The following TNFRSF1A variants were observed in gnomAD, a reference collection of about 807,000 sequenced individuals.
TNFRSF1A encodes the protein TNF receptor superfamily member 1A.
In TNFRSF1A, 9 loss-of-function variants were observed where a neutral mutation model predicts 41.6. The observed-to-expected ratio is 0.22, with a 90% CI of 0.13 to 0.38. The LOEUF is 0.38. Ranked by LOEUF, TNFRSF1A falls within the 10% of genes least tolerant of loss-of-function variation. The probability of loss-of-function intolerance (pLI) is 1.00; values close to 1 mark genes in which losing one functional copy is unlikely to be tolerated. For synonymous variants in TNFRSF1A, 254 were observed against 248.6 expected, an observed-to-expected ratio of 1.02 and a Z score of -0.21; for missense variants, 463 against 591.5, an observed-to-expected ratio of 0.78 and a Z score of 2.25.
In TNFRSF1A at chr12:6,333,379, C is replaced by T. The variant is rs201083197; in HGVS notation, c.460G>A (p.Val154Met). Residue 154 changes from valine to methionine, a missense_variant, in exon 4 of 10, where the codon GTG becomes ATG. Val to Met is a conservative substitution (Grantham distance 21, BLOSUM62 1). Coordinates refer to ENST00000162749, the MANE Select transcript of TNFRSF1A (RefSeq NM_001065.4). The surrounding 1 kb of genome is among the most constrained non-coding windows in gnomAD (Gnocchi z 6.3). ...FNCSLCLNGTVHLSCQEKQNT... is the reference protein window; with the variant it reads ...FNCSLCLNGTMHLSCQEKQNT... The stretch of plus-strand genomic sequence containing the variant: ...GAGCTGCGCTCACAGGAGAGGTGCA[C>T]GGTCCCATTGAGGCAGAGGCTGCAA... 4.7e-5 allele frequency: 76 copies of T among 1,613,640 alleles called. No homozygotes were observed. In the African/African-American group the frequency reaches 6.8e-4, roughly 14 times the overall value.
rs749746986 is a variant in TNFRSF1A, at chr12:6,329,965, A to C, written c.870T>G (p.Ser290Arg). 1 of 1,581,804 alleles carries C rather than the reference A, an allele frequency of 6.3e-7. No homozygotes were observed. The highest frequency in any genetic ancestry group is 8.6e-7 in the Non-Finnish European group (1 of 1,162,164). The change falls in exon 9 of 10, where the codon AGT (serine) becomes AGG (arginine). Residue 290 changes from serine (S) to arginine (R), a missense_variant. Ser to Arg is a moderately radical substitution (Grantham distance 110). This residue lies in a region of TNFRSF1A where 277 missense variants were observed against 288.8 expected (regional missense o/e 0.96). Coordinates refer to ENST00000162749, the MANE Select transcript of TNFRSF1A (RefSeq NM_001065.4). ...AGGTGGAGCTGGAGGTGAAGGTGGA[A>C]CTGGGCACGGGACTGAAGCCCAGGG... ...TPTLGFSPVP[S>R]STFTSSSTYT... is the part of the protein sequence containing the mutation.
intron 1 of TNFRSF1A, among the ~76,000 whole-genome samples, chr12:6,335,416 A>T (rs1217302087): frequency 2.0e-5 from 3 of 152,082 alleles, no homozygotes; most frequent in Non-Finnish European, 2.9e-5. Context: ...CGTGCTGGGG[A>T]GTCCTGGAGC....
intron 6 of TNFRSF1A, 39 bp from the exon 7 acceptor site, chr12:6,330,750 AG>A (rs1162009582): frequency 6.4e-7 from 1 of 1,572,562 alleles, no homozygotes; most frequent in Non-Finnish European, 8.8e-7. Context: ...GAGCGGGCAG[AG>A]GGGGGCCGCA....
At position 6,341,438 on chromosome 12, in the gene TNFRSF1A, C is replaced by T. The variant is rs775704034; in HGVS notation, c.39+338G>A. ...CTAATCTTCCTACTCCCACTCCCTT[C>T]TTTTCCCCGCCAAATCTGCCCCACC... is the stretch of plus-strand genomic sequence containing the variant. On this transcript the variant is annotated intron_variant, in intron 1 of 9. Coordinates refer to ENST00000162749, the MANE Select transcript of TNFRSF1A (RefSeq NM_001065.4). The surrounding 1 kb of genome is among the most constrained non-coding windows in gnomAD (Gnocchi z 4.6). Among the ~76,000 whole-genome samples, 4 of 152,254 alleles carry T rather than the reference C, an allele frequency of 2.6e-5. No homozygotes were observed. Among genetic ancestry groups the T allele is most frequent in the Non-Finnish European group, 5.9e-5 (4 of 68,046 alleles).
At position 6,330,650 on chromosome 12, in the gene TNFRSF1A, G is replaced by A; in HGVS notation, c.687C>T (p.Phe229=). Residue 229 remains phenylalanine, a synonymous_variant, in exon 7 of 10, where the codon TTC becomes TTT. Transcript: ENST00000162749. ...GTTGGTAGCGATACATTAAACCAAT[G>A]AAGAGGAGGGATAAAAGGCAAAGAC... ...FFGLCLLSLL[F]IGLMYRYQRW... 1 of 1,613,992 alleles carries A rather than the reference G, an allele frequency of 6.2e-7. No homozygotes were observed. Among genetic ancestry groups the A allele is most frequent in the South Asian group, 1.1e-5 (1 of 91,068 alleles).
intron 1 of TNFRSF1A, among the ~76,000 whole-genome samples, chr12:6,339,128 C>T: frequency 6.6e-6 from 1 of 152,168 alleles, no homozygotes; most frequent in Non-Finnish European, 1.5e-5. Context: ...ACTCCCGAAC[C>T]AAGGTGTCTG....
chr12:6,330,344 C>T (rs1297257139), intron 7 of TNFRSF1A, 49 bp from the exon 8 acceptor site: 1 of 1,566,282 alleles, frequency 6.4e-7, no homozygotes, highest in Non-Finnish European at 8.8e-7. Context: ...CTCTCTCAGC[C>T]CTGGCACCCT....
In TNFRSF1A at chr12:6,333,395, G is replaced by A; in HGVS notation, c.444C>T (p.Leu148=). 5.0e-6 allele frequency: 8 copies of A among 1,613,988 alleles called. No individual in the cohort carries two copies. Among genetic ancestry groups the A allele is most frequent in the Non-Finnish European group, 6.8e-6 (8 of 1,179,962 alleles). ...ENLFQCFNCS[L]CLNGTVHLSC... The stretch of plus-strand genomic sequence containing the variant: ...AGAGGTGCACGGTCCCATTGAGGCA[G>A]AGGCTGCAATTGAAGCACTGGAAAA... The change falls in exon 4 of 10, where the codon CTC becomes CTT. Residue 148 remains leucine, a synonymous_variant. Transcript: ENST00000162749. This position sits in a 1 kb window ranked among gnomAD's most constrained non-coding sequence, Gnocchi z 6.3.
At chr12:6,335,968 G>A (rs73259286) in intron 1 of TNFRSF1A, among the ~76,000 whole-genome samples, 105 of 152,296 alleles carry the variant, frequency 6.9e-4, no homozygotes, top group African/African-American at 2.5e-3. Flanking sequence ...AGCCAACACC[G>A]TGCCACCTCT....
intron 1 of TNFRSF1A, among the ~76,000 whole-genome samples, chr12:6,335,992 C>A (rs931217301): frequency 1.3e-5 from 2 of 152,226 alleles, no homozygotes; most frequent in South Asian, 4.1e-4. Context: ...GAGAACAGGA[C>A]TGGGGCTTCC....
intron 5 of TNFRSF1A, 193 bp from the exon 6 acceptor site, chr12:6,331,119 G>A (rs1469353511): frequency 2.2e-5 from 14 of 640,076 alleles, no homozygotes; most frequent in Non-Finnish European, 2.8e-5. Flanking sequence ...GAATTGGCAG[G>A]GATCTTGAAA....
chr12:6,328,962 A>G lies in TNFRSF1A; in HGVS notation c.*350T>C. ...AAACAAAACAAAACAAAACAAAAAC[A>G]AAAAAAACTGCTTATGCACTGTGAA... On this transcript the variant is annotated 3_prime_UTR_variant, in exon 10 of 10. Coordinates refer to ENST00000162749, the MANE Select transcript of TNFRSF1A (RefSeq NM_001065.4). 3.4e-6 allele frequency: 1 copy of G among 296,026 alleles called. No individual in the cohort carries two copies. Among genetic ancestry groups the G allele is most frequent in the Non-Finnish European group, 6.1e-6 (1 of 163,102 alleles). The allele number at this position is 296,026 out of a possible 1,614,324, so 18.3% of individuals were successfully genotyped here.
chr12:6,332,600 C>G (rs929982583), intron 5 of TNFRSF1A, among the ~76,000 whole-genome samples: 2 of 152,028 alleles, frequency 1.3e-5, no homozygotes, highest in Non-Finnish European at 2.9e-5. Context: ...CTCTGTGGAG[C>G]CAGGAGTAAG....
At chr12:6,335,019 A>C (rs1948102424) in intron 1 of TNFRSF1A, among the ~76,000 whole-genome samples, 1 of 152,214 alleles carries the variant, frequency 6.6e-6, no homozygotes, top group Non-Finnish European at 1.5e-5. Context: ...ATGAGGATCT[A>C]TGCACATCCC....
rs1219482738 is a variant in TNFRSF1A at position 6,334,384 on chromosome 12, A to G, written c.40-140T>C. 1.4e-6 allele frequency: 1 copy of G among 697,700 alleles called. No individual in the cohort carries two copies. Among genetic ancestry groups the G allele is most frequent in the African/African-American group, 1.8e-5 (1 of 55,636 alleles). The allele number at this position is 697,700 out of a possible 1,614,324, so 43.2% of individuals were successfully genotyped here. A position where few individuals can be genotyped will look rare whatever the true frequency, so the allele number is the denominator to read the frequency against. On this transcript the variant is annotated intron_variant, in intron 1 of 9. Transcript: ENST00000162749. The surrounding 1 kb of genome is among the most constrained non-coding windows in gnomAD (Gnocchi z 5.1). ...CCAGGCCACGCCACTCACTAAGTTT[A>G]GAGTTCTTCCTTGAAACTTAGACAG...
chr12:6,332,980 G>T, intron 5 of TNFRSF1A, 89 bp downstream of exon 5: 1 of 1,200,640 alleles, frequency 8.3e-7, no homozygotes. Context: ...GGGCATCCTG[G>T]CATCTGTTGC....
At position 6,337,513 on chromosome 12, in the gene TNFRSF1A, T is replaced by G. The variant is rs1049333876; in HGVS notation, c.40-3269A>C. On this transcript the variant is annotated intron_variant, in intron 1 of 9. Coordinates refer to ENST00000162749, the MANE Select transcript of TNFRSF1A (RefSeq NM_001065.4). The surrounding 1 kb of genome is among the most constrained non-coding windows in gnomAD (Gnocchi z 4.6). ...TTCCTTTCCCCCTCATTCATGTGTC[T>G]GTTCATTTAATGTCAAGGTGTTGGG... 1.2e-4 allele frequency among the ~76,000 whole-genome samples: 18 copies of G among 152,312 alleles called. No individual in the cohort carries two copies. The highest frequency in any genetic ancestry group is 1.9e-4 in the African/African-American group (8 of 41,574).
chr12:6,329,523 T>A lies in TNFRSF1A; in HGVS notation c.1157A>T (p.Asp386Val). Residue 386 changes from aspartate to valine, a missense_variant, in exon 10 of 10, where the codon GAT becomes GTT. Physicochemically the swap from Asp to Val is radical, Grantham distance 152 (BLOSUM62 -3). This residue lies in a region of TNFRSF1A where 277 missense variants were observed against 288.8 expected (regional missense o/e 0.96). Coordinates refer to ENST00000162749, the MANE Select transcript of TNFRSF1A (RefSeq NM_001065.4). ...GCGCCCGTTCTGCAGCTCCAGCCGA[T>A]CGATCTCGTGGTCGCTCAGCCCTAG... ...RRLGLSDHEIDRLELQNGRCL... is the reference protein window; with the variant it reads ...RRLGLSDHEIVRLELQNGRCL... 6.3e-7 allele frequency: 1 copy of A among 1,595,140 alleles called. No individual in the cohort carries two copies. The highest frequency in any genetic ancestry group is 1.1e-5 in the South Asian group (1 of 90,564).
chr12:6,333,978 AG>A lies in TNFRSF1A; in HGVS notation c.193+112del. 6.2e-7 allele frequency: 1 copy of A among 1,610,856 alleles called. No homozygotes were observed. Among genetic ancestry groups the A allele is most frequent in the Non-Finnish European group, 8.5e-7 (1 of 1,177,598 alleles). ...GAAGTCTCTAGGAGAGGAGGGAGGG[AG>A]AAAATCCCAGCCCAGGAGAGACAGC... On this transcript the variant is annotated intron_variant, in intron 2 of 9. Coordinates refer to ENST00000162749, the MANE Select transcript of TNFRSF1A (RefSeq NM_001065.4). The surrounding 1 kb of genome is among the most constrained non-coding windows in gnomAD (Gnocchi z 6.3).
Sources: gnomAD v4.1 joint callset for allele counts (sites outside exome capture counted in the v4.1 genomes callset) on GRCh38, gnomAD v4.1.1 for gene constraint, gnomAD v4.1.1 regional missense constraint, Gnocchi (gnomAD v3.1) non-coding constraint, MANE v1.5 for transcripts, NCBI Gene and HGNC (gene_info 2026-07-23, HGNC 2026-07-21) for gene names.